HIKESHI: variants seen among roughly 807,000 people sequenced by gnomAD.
HIKESHI encodes protein Hikeshi.
A neutral mutation model predicts 25.7 loss-of-function variants in HIKESHI; 13 were observed. The observed-to-expected ratio is 0.51, with a 90% CI of 0.33 to 0.80. The LOEUF is 0.80. HIKESHI is among the 30% of genes least tolerant of loss of function. HIKESHI has a pLI of 0.02. For missense variants in HIKESHI, 174 were observed against 229.5 expected, an observed-to-expected ratio of 0.76 and a Z score of 1.56; for synonymous variants, 76 against 78.7, an observed-to-expected ratio of 0.97 and a Z score of 0.18.
chr11:86,315,913 T>G lies in HIKESHI; in HGVS notation c.268+9431T>G, dbSNP rs7125055. Among the ~76,000 whole-genome samples, 972 of 152,076 alleles carry G rather than the reference T, an allele frequency of 6.4e-3. 12 individuals are homozygous for G. Among genetic ancestry groups the G allele is most frequent in the African/African-American group, 0.022 (893 of 41,492 alleles). On this transcript the variant is annotated intron_variant, in intron 2 of 4. Coordinates refer to ENST00000278483, the MANE Select transcript of HIKESHI (RefSeq NM_016401.4). ...AGGAGGGGTGGTATCTGAGTTACTG[T>G]TTTTTGAGGTCCGGTTCTTAAAAAG...
At chr11:86,336,222 C>T (rs1947554478) in intron 2 of HIKESHI, among the ~76,000 whole-genome samples, 1 of 152,162 alleles carries the variant, frequency 6.6e-6, no homozygotes, top group African/African-American at 2.4e-5. Flanking sequence ...ACCTGTGAGA[C>T]ACCCTCAAGT....
At chr11:86,338,171 A>G (rs143870261) in intron 3 of HIKESHI, among the ~76,000 whole-genome samples, 1 of 151,998 alleles carries the variant, frequency 6.6e-6, no homozygotes, top group African/African-American at 2.4e-5. Flanking sequence ...ACATGTCCTC[A>G]TTTTCCCTTC....
intron 2 of HIKESHI, among the ~76,000 whole-genome samples, chr11:86,332,710 G>A (rs1346916967): frequency 6.6e-6 from 1 of 152,338 alleles, no homozygotes; most frequent in African/African-American, 2.4e-5. Flanking sequence ...AAACTTTTTT[G>A]TGAAGGATCA....
At chr11:86,303,325 T>G (rs1433646991) in intron 1 of HIKESHI, 1 of 778,180 alleles carries the variant, frequency 1.3e-6, no homozygotes, top group Non-Finnish European at 1.6e-6. Flanking sequence ...CCATCAAGTT[T>G]TGATAATGTA....
At chr11:86,308,090 TATAA>T (rs1249141234) in intron 2 of HIKESHI, among the ~76,000 whole-genome samples, 6 of 124,986 alleles carry the variant, frequency 4.8e-5, no homozygotes, top group Admixed American at 1.8e-4. Context: ...AAATATACTA[TATAA>T]ATATACTATA....
At chr11:86,302,509 G>C in intron 1 of HIKESHI, 31 bp downstream of exon 1, 2 of 1,552,942 alleles carry the variant, frequency 1.3e-6, no homozygotes, top group Non-Finnish European at 1.7e-6. Flanking sequence ...TATCAGGAAG[G>C]GGTCAGGATA....
At chr11:86,307,012 A>ATAT (rs1427145457) in intron 2 of HIKESHI, among the ~76,000 whole-genome samples, 1 of 129,468 alleles carries the variant, frequency 7.7e-6, no homozygotes, top group East Asian at 2.7e-4. Flanking sequence ...AGAAAAAAAA[A>ATAT]ATATATATAT....
chr11:86,340,666 G>A (rs955730461), intron 3 of HIKESHI, among the ~76,000 whole-genome samples: 1 of 152,062 alleles, frequency 6.6e-6, no homozygotes, highest in Non-Finnish European at 1.5e-5. Flanking sequence ...GTTTTTTTGA[G>A]ATGGAGTCTC....
At chr11:86,318,545 A>G (rs942059354) in intron 2 of HIKESHI, among the ~76,000 whole-genome samples, 3 of 151,940 alleles carry the variant, frequency 2.0e-5, no homozygotes, top group African/African-American at 7.3e-5. Flanking sequence ...CATACCAACA[A>G]TGGCCAAAGA....
chr11:86,344,674 A>T lies in HIKESHI; in HGVS notation c.492A>T (p.Thr164=). ...TTGCTGTCTCTCAGGCCCAGATGAC[A>T]CCAAGCCCATCTGAAATGTTCATTC... ...SSFAVSQAQM[T]PSPSEMFIPA... The change falls in exon 4 of 5, where the codon ACA becomes ACT. Residue 164 remains threonine, a synonymous_variant. Transcript: ENST00000278483. 1 of 1,612,666 alleles carries T rather than the reference A, an allele frequency of 6.2e-7. No individual in the cohort carries two copies.
At chr11:86,303,839 C>T (rs749835361) in intron 1 of HIKESHI, among the ~76,000 whole-genome samples, 11 of 152,052 alleles carry the variant, frequency 7.2e-5, no homozygotes, top group East Asian at 3.8e-4. Flanking sequence ...TAAAGAGATA[C>T]ACCTTTTCTT....
At chr11:86,336,727 A>G (rs1947570943) in intron 2 of HIKESHI, among the ~76,000 whole-genome samples, 1 of 152,218 alleles carries the variant, frequency 6.6e-6, no homozygotes, top group Admixed American at 6.5e-5. Context: ...AACATTAACC[A>G]CATTTAAGAA....
intron 3 of HIKESHI, among the ~76,000 whole-genome samples, chr11:86,342,722 C>CT (rs1947767218): frequency 4.0e-5 from 3 of 75,140 alleles, no homozygotes; most frequent in Non-Finnish European, 5.1e-5. Flanking sequence ...TAATTTGTCC[C>CT]ATTTTTTTTT....
At chr11:86,309,077 A>G (rs1439755786) in intron 2 of HIKESHI, among the ~76,000 whole-genome samples, 1 of 152,148 alleles carries the variant, frequency 6.6e-6, no homozygotes, top group African/African-American at 2.4e-5. Context: ...TCCTTTGGGT[A>G]TATGTCCAGT....
At chr11:86,318,484 G>C (rs1406384275) in intron 2 of HIKESHI, among the ~76,000 whole-genome samples, 2 of 151,838 alleles carry the variant, frequency 1.3e-5, no homozygotes, top group Non-Finnish European at 2.9e-5. Flanking sequence ...AGAGAATAGA[G>C]AAAGAGGCAA....
At chr11:86,319,240 A>T (rs190806958) in intron 2 of HIKESHI, among the ~76,000 whole-genome samples, 7,085 of 92,406 alleles carry the variant, frequency 0.077, 293 homozygotes, top group African/African-American at 0.14. Flanking sequence ...ATATATATAT[A>T]TATTTTTTTT....
intron 1 of HIKESHI, chr11:86,303,457 C>T: frequency 3.1e-6 from 3 of 967,108 alleles, no homozygotes; most frequent in South Asian, 4.8e-5. Context: ...AATTCATAAT[C>T]CTGGTGAGAT....
chr11:86,326,589 C>T (rs1052292706), intron 2 of HIKESHI: 1 of 455,882 alleles, frequency 2.2e-6, no homozygotes, highest in African/African-American at 2.0e-5. Flanking sequence ...CACACCAAGA[C>T]ATTGTTCAGA....
At chr11:86,343,220 A>G (rs534944866) in intron 3 of HIKESHI, among the ~76,000 whole-genome samples, 1 of 152,164 alleles carries the variant, frequency 6.6e-6, no homozygotes, top group African/African-American at 2.4e-5. Context: ...ATTGGAGAAA[A>G]TGCTTTGTTT....
Sources: gnomAD v4.1 joint callset for allele counts (sites outside exome capture counted in the v4.1 genomes callset) on GRCh38, gnomAD v4.1.1 for gene constraint, MANE v1.5 for transcripts, NCBI Gene and HGNC (gene_info 2026-07-23, HGNC 2026-07-21) for gene names.